Variants in NCAM2 observed in about 807,000 individuals in gnomAD.
NCAM2 encodes the protein N-CAM-2.
Under a neutral mutation model 98.1 loss-of-function variants are expected in NCAM2, and 30 were observed. The observed-to-expected ratio is 0.31, with a 90% CI of 0.23 to 0.41. The LOEUF (loss-of-function observed/expected upper bound fraction) is 0.41. Among genes scored for constraint, NCAM2 ranks in the 10% least tolerant of loss-of-function variants. The probability of loss-of-function intolerance (pLI) is 1.00; values close to 1 mark genes in which losing one functional copy is unlikely to be tolerated. For synonymous variants in NCAM2, 368 were observed against 342.4 expected (o/e 1.07, Z -0.83); for missense variants, 867 against 1,005.8 (o/e 0.86, Z 1.87).
chr21:21,270,744 T>C (rs1370459025), intron 1 of NCAM2, among the ~76,000 whole-genome samples: 16 of 152,152 alleles, frequency 1.1e-4, no homozygotes, highest in Non-Finnish European at 4.4e-5. Flanking sequence ...TATTTCACTT[T>C]AATTTTTTGG....
At chr21:21,165,001 T>C (rs2067905253) in intron 1 of NCAM2, among the ~76,000 whole-genome samples, 1 of 152,188 alleles carries the variant, frequency 6.6e-6, no homozygotes, top group Non-Finnish European at 1.5e-5. Flanking sequence ...TGTATTTAAT[T>C]CTCATAACAG....
At chr21:21,364,650 G>A (rs982577447) in intron 8 of NCAM2, among the ~76,000 whole-genome samples, 1 of 151,448 alleles carries the variant, frequency 6.6e-6, no homozygotes, top group Non-Finnish European at 1.5e-5. Flanking sequence ...ACATAAATAT[G>A]TACATATACA....
chr21:21,217,517 G>A (rs1309953375), intron 1 of NCAM2, among the ~76,000 whole-genome samples: 1 of 152,086 alleles, frequency 6.6e-6, no homozygotes, highest in Non-Finnish European at 1.5e-5. Flanking sequence ...TTAAAAACTA[G>A]TTTCTACATG....
chr21:21,364,355 C>G (rs2075730966), intron 8 of NCAM2, among the ~76,000 whole-genome samples: 1 of 151,948 alleles, frequency 6.6e-6, no homozygotes, highest in Non-Finnish European at 1.5e-5. Flanking sequence ...TTTTACCCTT[C>G]TTGAACTTCT....
At chr21:21,275,778 A>G (rs1325955896) in intron 1 of NCAM2, among the ~76,000 whole-genome samples, 1 of 152,166 alleles carries the variant, frequency 6.6e-6, no homozygotes, top group Non-Finnish European at 1.5e-5. Context: ...ATTTATCACA[A>G]GATACCCTCT....
intron 12 of NCAM2, among the ~76,000 whole-genome samples, chr21:21,458,018 G>C (rs1982406663): frequency 6.6e-6 from 1 of 152,202 alleles, no homozygotes; most frequent in Admixed American, 6.5e-5. Context: ...GAATGTCCAT[G>C]AAGCAGATAC....
intron 8 of NCAM2, among the ~76,000 whole-genome samples, chr21:21,353,372 T>C (rs975682852): frequency 2.6e-5 from 4 of 152,200 alleles, no homozygotes; most frequent in Non-Finnish European, 4.4e-5. Context: ...AATTCAGTGA[T>C]TCATATATCA....
intron 8 of NCAM2, among the ~76,000 whole-genome samples, chr21:21,340,931 C>T (rs1201695454): frequency 6.6e-6 from 1 of 151,842 alleles, no homozygotes; most frequent in Non-Finnish European, 1.5e-5. Context: ...GATATTTACC[C>T]TCTTGTTATA....
At chr21:21,280,755 A>G (rs750765396) in intron 2 of NCAM2, 103 bp downstream of exon 2, 2 of 707,828 alleles carry the variant, frequency 2.8e-6, no homozygotes, top group Non-Finnish European at 2.2e-6. Flanking sequence ...TTCTCTAACA[A>G]TAACATCTTA....
chr21:21,020,610 C>A (rs1245863446), intron 1 of NCAM2, among the ~76,000 whole-genome samples: 1 of 152,166 alleles, frequency 6.6e-6, no homozygotes, highest in East Asian at 1.9e-4. Flanking sequence ...CCCACTGATC[C>A]AGTCGTGCCC....
chr21:21,344,975 G>A (rs560803489), intron 8 of NCAM2, among the ~76,000 whole-genome samples: 1 of 152,140 alleles, frequency 6.6e-6, no homozygotes, highest in East Asian at 1.9e-4. Context: ...GAGAACAAGA[G>A]TCTCTGCCTG....
chr21:21,402,308 G>T (rs1026727076), intron 9 of NCAM2, among the ~76,000 whole-genome samples: 3 of 151,974 alleles, frequency 2.0e-5, no homozygotes, highest in African/African-American at 7.3e-5. Flanking sequence ...TGCATTCCTG[G>T]GGGGAGGTCT....
intron 1 of NCAM2, among the ~76,000 whole-genome samples, chr21:21,181,618 C>G (rs748948107): frequency 3.3e-5 from 5 of 152,146 alleles, no homozygotes; most frequent in Non-Finnish European, 7.4e-5. Context: ...CCTTTCCTAT[C>G]TTAGGGCCTT....
chr21:21,173,030 T>C (rs747883730), intron 1 of NCAM2, among the ~76,000 whole-genome samples: 2 of 152,210 alleles, frequency 1.3e-5, no homozygotes, highest in Non-Finnish European at 2.9e-5. Context: ...GTGTGAAATG[T>C]ATCTTCACTT....
intron 1 of NCAM2, among the ~76,000 whole-genome samples, chr21:21,168,128 C>T (rs1044623419): frequency 2.6e-5 from 4 of 151,972 alleles, no homozygotes; most frequent in Non-Finnish European, 4.4e-5. Flanking sequence ...GGACTTACTC[C>T]GGGTGTGTAA....
chr21:21,537,803 T>TA (rs755849246), intron 17 of NCAM2, 43 bp from the exon 18 acceptor site: 1 of 1,094,406 alleles, frequency 9.1e-7, no homozygotes, highest in African/African-American at 1.6e-5. Context: ...TACGTCTCCT[T>TA]AAATACCTCA....
chr21:21,350,884 G>A (rs1293412936), intron 8 of NCAM2, among the ~76,000 whole-genome samples: 8 of 148,058 alleles, frequency 5.4e-5, no homozygotes, highest in Non-Finnish European at 1.2e-4. Flanking sequence ...TCAGGAGATG[G>A]AGACCATCAT....
At chr21:21,030,003 A>G (rs2064644811) in intron 1 of NCAM2, among the ~76,000 whole-genome samples, 1 of 152,172 alleles carries the variant, frequency 6.6e-6, no homozygotes, top group South Asian at 2.1e-4. Flanking sequence ...TGATTTAATT[A>G]AATATGTTGA....
intron 1 of NCAM2, among the ~76,000 whole-genome samples, chr21:21,079,001 CAG>C (rs1205825645): frequency 1.3e-5 from 2 of 151,984 alleles, no homozygotes; most frequent in East Asian, 1.9e-4. Flanking sequence ...CATATGGAAA[CAG>C]AGAGGGGAAG....
Sources: allele counts gnomAD v4.1 joint callset (sites outside exome capture counted in the v4.1 genomes callset), GRCh38; gene constraint gnomAD v4.1.1; transcripts MANE v1.5; gene names NCBI Gene and HGNC (gene_info 2026-07-23, HGNC 2026-07-21).